Variants in MTMR1 observed in about 807,000 individuals in gnomAD.
The protein encoded by MTMR1 is phosphatidylinositol-3-phosphate phosphatase MTMR1.
Under a neutral mutation model 51.6 loss-of-function variants are expected in MTMR1, and 17 were observed. The observed-to-expected ratio is 0.33, with a 90% CI of 0.23 to 0.49. The LOEUF is 0.49. MTMR1 is among the 20% of genes least tolerant of loss of function. The pLI, the probability that MTMR1 is intolerant of heterozygous loss-of-function variation, is 0.99. For synonymous variants in MTMR1, 201 were observed against 205.6 expected (o/e 0.98, Z 0.19); for missense variants, 386 against 526.9 (o/e 0.73, Z 2.62).
intron 3 of MTMR1, among the ~76,000 whole-genome samples, chrX:150,714,927 T>C (rs143532648): frequency 0.061 from 6,804 of 111,855 alleles, 171 homozygotes; most frequent in Non-Finnish European, 0.078. Context: ...CCTGGTACCA[T>C]GTAGATATTT....
At chrX:150,759,198 C>T (rs782119139) in intron 15 of MTMR1, among the ~76,000 whole-genome samples, 3 of 112,557 alleles carry the variant, frequency 2.7e-5, no homozygotes, top group Non-Finnish European at 5.6e-5. Flanking sequence ...ACTTGGGAAC[C>T]AAAGCCTACA....
intron 1 of MTMR1, among the ~76,000 whole-genome samples, chrX:150,694,031 T>C (rs1569565600): frequency 9.0e-6 from 1 of 111,521 alleles, no homozygotes; most frequent in Non-Finnish European, 1.9e-5. Flanking sequence ...ACCAATCCTC[T>C]TGGGAGGGAG....
intron 4 of MTMR1, among the ~76,000 whole-genome samples, chrX:150,720,093 C>A (rs900183528): frequency 8.9e-6 from 1 of 111,741 alleles, no homozygotes; most frequent in African/African-American, 3.3e-5. Context: ...AGTAAATTGA[C>A]CCTCTACTTT....
intron 13 of MTMR1, among the ~76,000 whole-genome samples, chrX:150,745,140 C>A: frequency 8.9e-6 from 1 of 112,357 alleles, no homozygotes; most frequent in East Asian, 2.8e-4. Flanking sequence ...TCTCCAACAT[C>A]TAAACCTGAG....
Position 150,762,601 on chromosome X carries a change from G to C in MTMR1, c.1894G>C (p.Val632Leu). 8.3e-7 allele frequency: 1 copy of C among 1,212,090 alleles called. No homozygotes were observed. The highest frequency in any genetic ancestry group is 1.1e-6 in the Non-Finnish European group (1 of 895,550). ...CCAGAATCTCAAGGAGCTGCTGGCC[G>C]TCAGGGCGGAGCTGCAGAAGCGTGT... ...IHQNLKELLAVRAELQKRVEG... is the reference protein window; with the variant it reads ...IHQNLKELLALRAELQKRVEG... The change falls in exon 16 of 16, where the codon GTC (valine) becomes CTC (leucine). Residue 632 changes from valine to leucine, a missense_variant. Val to Leu is a conservative substitution (Grantham distance 32). Transcript: ENST00000445323.
chrX:150,717,075 T>G (rs2041548699), intron 3 of MTMR1, among the ~76,000 whole-genome samples: 2 of 110,708 alleles, frequency 1.8e-5, no homozygotes, highest in Non-Finnish European at 3.8e-5. Context: ...AAAAAGCAAA[T>G]GAGGCCGGGC....
intron 12 of MTMR1, among the ~76,000 whole-genome samples, chrX:150,740,967 C>T (rs2042407526): frequency 9.0e-6 from 1 of 111,495 alleles, no homozygotes; most frequent in African/African-American, 3.3e-5. Flanking sequence ...GAGGGATCCA[C>T]CCCCATGACC....
intron 15 of MTMR1, 107 bp from the exon 16 acceptor site, chrX:150,762,458 C>T: frequency 9.6e-7 from 1 of 1,041,235 alleles, no homozygotes; most frequent in South Asian, 2.0e-5. Context: ...TTGGCCGCTC[C>T]AGGAGTCTGG....
chrX:150,698,383 A>G (rs1375260414), intron 1 of MTMR1, among the ~76,000 whole-genome samples: 1 of 111,523 alleles, frequency 9.0e-6, no homozygotes, highest in Non-Finnish European at 1.9e-5. Flanking sequence ...TACACAGAGA[A>G]CATCATTTTT....
In MTMR1 at chrX:150,762,602, T is replaced by C; in HGVS notation, c.1895T>C (p.Val632Ala). ...CAGAATCTCAAGGAGCTGCTGGCCG[T>C]CAGGGCGGAGCTGCAGAAGCGTGTG... The part of the protein sequence containing the change: ...IHQNLKELLA[V>A]RAELQKRVEG... Residue 632 changes from valine (V) to alanine (A), a missense_variant, in exon 16 of 16, where the codon GTC becomes GCC. Val to Ala is a moderately conservative substitution (Grantham distance 64). Coordinates refer to ENST00000445323, the MANE Select transcript of MTMR1 (RefSeq NM_001306144.3). The C allele has an allele frequency of 2.5e-6, 3 of 1,211,841 alleles. No individual in the cohort carries two copies. The highest frequency in any genetic ancestry group is 3.4e-6 in the Non-Finnish European group (3 of 895,494).
chrX:150,710,344 T>G (rs1394597477), intron 2 of MTMR1, among the ~76,000 whole-genome samples: 1 of 111,476 alleles, frequency 9.0e-6, no homozygotes, highest in Admixed American at 9.5e-5. Context: ...TGTTTTTTTC[T>G]GTTTTTGTTG....
intron 12 of MTMR1, among the ~76,000 whole-genome samples, chrX:150,740,020 T>C (rs1318652930): frequency 1.8e-5 from 2 of 111,631 alleles, no homozygotes; most frequent in African/African-American, 6.5e-5. Context: ...ATCATGGAAC[T>C]TTCCAATTGT....
intron 15 of MTMR1, among the ~76,000 whole-genome samples, chrX:150,762,261 T>C (rs1557418051): frequency 8.9e-6 from 1 of 112,386 alleles, no homozygotes; most frequent in Admixed American, 9.4e-5. Flanking sequence ...GGTTGATCCA[T>C]GGTGCGCAGT....
intron 2 of MTMR1, among the ~76,000 whole-genome samples, chrX:150,701,233 A>G (rs969194338): frequency 2.9e-4 from 32 of 111,438 alleles, no homozygotes; most frequent in African/African-American, 1.0e-3. Flanking sequence ...AATACATAAA[A>G]TATTTCTAAA....
At chrX:150,712,601 C>A (rs1199682260) in intron 3 of MTMR1, 58 of 372,532 alleles carry the variant, frequency 1.6e-4, no homozygotes, top group Non-Finnish European at 1.9e-5. Flanking sequence ...AAAATTGTTA[C>A]CAGTGTGCAA....
Position 150,764,414 on chromosome X carries a change from T to C in MTMR1, c.*1685T>C, listed in dbSNP as rs1243435775. 2 of 112,510 alleles carry C rather than the reference T, an allele frequency of 1.8e-5. No individual in the cohort carries two copies. Among genetic ancestry groups the C allele is most frequent in the Non-Finnish European group, 3.8e-5 (2 of 53,331 alleles). 9.3% of individuals were successfully genotyped at this position (112,510 alleles called of 1,213,427 possible). On this transcript the variant is annotated 3_prime_UTR_variant, in exon 16 of 16. Transcript: ENST00000445323. ...GTCGTGTTCAACAATAGCTTTTATG[T>C]TCCTAACATATCTGAAAGCTTATTT...
In MTMR1 at chrX:150,763,536, C is replaced by G. The variant is rs2043205925; in HGVS notation, c.*807C>G. ...GGCAGCTGTGCACAGGTGCTGGCCT[C>G]TGGCTCCTTCAAGGAGCACTGCCTG... On this transcript the variant is annotated 3_prime_UTR_variant, in exon 16 of 16. Coordinates refer to ENST00000445323, the MANE Select transcript of MTMR1 (RefSeq NM_001306144.3). 1 of 113,027 alleles carries G rather than the reference C, an allele frequency of 8.8e-6. No individual in the cohort carries two copies. The highest frequency in any genetic ancestry group is 1.9e-5 in the Non-Finnish European group (1 of 53,386). 9.3% of individuals were successfully genotyped at this position (113,027 alleles called of 1,213,427 possible).
chrX:150,741,941 C>G (rs969401460), intron 12 of MTMR1, among the ~76,000 whole-genome samples: 1 of 112,614 alleles, frequency 8.9e-6, no homozygotes, highest in South Asian at 3.6e-4. Context: ...TCTGACAATT[C>G]CGCTGATGGG....
chrX:150,699,308 A>G lies in MTMR1; in HGVS notation c.252+8A>G, dbSNP rs1557415848. 1.8e-6 allele frequency: 2 copies of G among 1,115,083 alleles called. No homozygotes were observed. Among genetic ancestry groups the G allele is most frequent in the Admixed American group, 4.8e-5 (2 of 41,856 alleles). 91.9% of individuals were successfully genotyped at this position (1,115,083 alleles called of 1,213,427 possible). A position where few individuals can be genotyped will look rare whatever the true frequency, so the allele number is the denominator to read the frequency against. ...GTGTCCAGAGATTACAAGGTAAGCAACATTGAGTGTTTAATTCATTTTCAG... is the reference window on the plus strand; with the variant it reads ...GTGTCCAGAGATTACAAGGTAAGCAGCATTGAGTGTTTAATTCATTTTCAG... On this transcript the variant is annotated splice_region_variant and intron_variant, in intron 2 of 15. Transcript: ENST00000445323.
Sources: gnomAD v4.1 joint callset for allele counts (sites outside exome capture counted in the v4.1 genomes callset) on GRCh38, gnomAD v4.1.1 for gene constraint, MANE v1.5 for transcripts, NCBI Gene and HGNC (gene_info 2026-07-23, HGNC 2026-07-21) for gene names.